CACNA1C: variants seen among roughly 807,000 people sequenced by gnomAD.
The protein encoded by CACNA1C is calcium voltage-gated channel subunit alpha1 C.
CACNA1C carries 30 observed loss-of-function variants against 229.0 expected under a neutral mutation model. The ratio of observed to expected loss-of-function variants is 0.13; its 90% CI spans 0.10 to 0.18. The LOEUF (loss-of-function observed/expected upper bound fraction) is 0.18. Among genes scored for constraint, CACNA1C ranks in the 10% least tolerant of loss-of-function variants. The probability of loss-of-function intolerance (pLI) is 1.00; values close to 1 mark genes in which losing one functional copy is unlikely to be tolerated. For synonymous variants in CACNA1C, 1,114 were observed against 1,132.5 expected, an observed-to-expected ratio of 0.98 and a Z score of 0.33; for missense variants, 1,658 against 2,845.0, an observed-to-expected ratio of 0.58 and a Z score of 9.49.
At chr12:2,104,780 A>G (rs891552288) in intron 1 of CACNA1C, among the ~76,000 whole-genome samples, 5 of 152,232 alleles carry the variant, frequency 3.3e-5, no homozygotes. Flanking sequence ...TAGATTTGCT[A>G]TCACCAGGTG....
At chr12:2,682,285 T>A (rs1254650837) in intron 42 of CACNA1C, among the ~76,000 whole-genome samples, 1 of 150,376 alleles carries the variant, frequency 6.6e-6, no homozygotes, top group Non-Finnish European at 1.5e-5. Flanking sequence ...AGAGGGTAAG[T>A]GGATTGGGGT....
chr12:2,092,177 A>G (rs574418185), intron 1 of CACNA1C, among the ~76,000 whole-genome samples: 1 of 152,226 alleles, frequency 6.6e-6, no homozygotes, highest in Non-Finnish European at 1.5e-5. Context: ...AATAGCAGGA[A>G]TGAAGGGCGC....
At chr12:2,201,986 G>A (rs1023630880) in intron 3 of CACNA1C, among the ~76,000 whole-genome samples, 2 of 152,188 alleles carry the variant, frequency 1.3e-5, no homozygotes, top group Admixed American at 6.5e-5. Context: ...TTTATCATTT[G>A]TCTTCCTGGC....
chr12:2,311,021 A>T (rs148868754), intron 3 of CACNA1C, among the ~76,000 whole-genome samples: 1 of 152,100 alleles, frequency 6.6e-6, no homozygotes, highest in African/African-American at 2.4e-5. Context: ...CTAAACCCTC[A>T]TCCTAGGCTT....
chr12:2,678,444 T>C lies in CACNA1C; in HGVS notation c.5091+577T>C, dbSNP rs2096935846. Among the ~76,000 whole-genome samples the C allele has an allele frequency of 6.6e-6, 1 of 152,142 alleles. No homozygotes were observed. The highest frequency in any genetic ancestry group is 2.1e-4 in the South Asian group (1 of 4,826). On this transcript the variant is annotated intron_variant, in intron 41 of 46. Transcript: ENST00000399655. The surrounding 1 kb of genome is among the most constrained non-coding windows in gnomAD (Gnocchi z 4.1). ...TGCCCAGCAGTTGCAATAGTGAAAA[T>C]TAAAACGGCTGTACCAGAATAAGGG... is the stretch of plus-strand genomic sequence containing the variant.
chr12:2,372,326 G>A (rs1424727787), intron 3 of CACNA1C, among the ~76,000 whole-genome samples: 1 of 152,152 alleles, frequency 6.6e-6, no homozygotes, highest in Non-Finnish European at 1.5e-5. Flanking sequence ...ACCCCTTGCT[G>A]CTCTCTTCCT....
chr12:2,403,985 G>A lies in CACNA1C; in HGVS notation c.478-44991G>A, dbSNP rs2098707679. ...CAGAATGTCCTTGCTGTGTACCAGG[G>A]CACACTGTGGGCTCCGTCCAGCCAG... On this transcript the variant is annotated intron_variant, in intron 3 of 46. Transcript: ENST00000399655. The surrounding 1 kb of genome is among the most constrained non-coding windows in gnomAD (Gnocchi z 4.1). 6.6e-6 allele frequency among the ~76,000 whole-genome samples: 1 copy of A among 152,190 alleles called. No homozygotes were observed. The highest frequency in any genetic ancestry group is 2.1e-4 in the South Asian group (1 of 4,826).
At chr12:2,554,346 A>C (rs1432359036) in intron 10 of CACNA1C, among the ~76,000 whole-genome samples, 1 of 152,130 alleles carries the variant, frequency 6.6e-6, no homozygotes, top group Admixed American at 6.5e-5. Context: ...TGATGGTCTC[A>C]TGTTCCTTAC....
chr12:2,185,276 C>A (rs868805048), intron 3 of CACNA1C, among the ~76,000 whole-genome samples: 1 of 152,196 alleles, frequency 6.6e-6, no homozygotes, highest in South Asian at 2.1e-4. Flanking sequence ...GACAGTCCTT[C>A]CTCCAGCCTG....
intron 1 of CACNA1C, among the ~76,000 whole-genome samples, chr12:1,996,642 A>AC (rs2040918084): frequency 1.7e-5 from 2 of 116,864 alleles, no homozygotes; most frequent in Admixed American, 1.7e-4. Context: ...AAAAAAAAAA[A>AC]AAAAAAAAAA....
At chr12:2,109,397 T>A (rs544058832) in intron 1 of CACNA1C, among the ~76,000 whole-genome samples, 1 of 152,142 alleles carries the variant, frequency 6.6e-6, no homozygotes. Flanking sequence ...AGGGATTGCC[T>A]AGCAAAGGGC....
intron 29 of CACNA1C, among the ~76,000 whole-genome samples, chr12:2,626,699 C>A (rs1421496222): frequency 1.3e-5 from 2 of 152,042 alleles, no homozygotes; most frequent in African/African-American, 4.8e-5. Flanking sequence ...TTGGGATCCC[C>A]CAATCTACCC....
At chr12:2,593,422 AC>A in intron 19 of CACNA1C, 77 bp downstream of exon 19, 1 of 1,494,640 alleles carries the variant, frequency 6.7e-7, no homozygotes, top group Non-Finnish European at 9.2e-7. Flanking sequence ...TTTTACCTGA[AC>A]CTCTGGATGG....
chr12:2,128,083 C>T (rs910495279), intron 3 of CACNA1C, among the ~76,000 whole-genome samples: 1 of 152,230 alleles, frequency 6.6e-6, no homozygotes, highest in South Asian at 2.1e-4. Context: ...CTGAGTGAAC[C>T]CTGGGTGAAT....
chr12:2,002,176 C>G (rs2042321677), intron 1 of CACNA1C, among the ~76,000 whole-genome samples: 1 of 152,202 alleles, frequency 6.6e-6, no homozygotes, highest in African/African-American at 2.4e-5. Flanking sequence ...CATCCATTTT[C>G]AGGGCAATAA....
chr12:2,099,860 G>A (rs2075661613), intron 1 of CACNA1C, among the ~76,000 whole-genome samples: 1 of 152,122 alleles, frequency 6.6e-6, no homozygotes, highest in Admixed American at 6.5e-5. Context: ...GCTCTGTCCT[G>A]AGAGTGTGAT....
chr12:2,340,911 T>C (rs2096842151), intron 3 of CACNA1C, among the ~76,000 whole-genome samples: 1 of 151,680 alleles, frequency 6.6e-6, no homozygotes, highest in African/African-American at 2.4e-5. Flanking sequence ...GAGCCGAGAT[T>C]GTGCCACTGC....
intron 8 of CACNA1C, among the ~76,000 whole-genome samples, chr12:2,509,534 T>C (rs981112018): frequency 6.6e-6 from 1 of 152,176 alleles, no homozygotes; most frequent in African/African-American, 2.4e-5. Flanking sequence ...ATTTAATATA[T>C]ATGATTGATT....
At chr12:2,061,234 T>A (rs1193878543) in intron 1 of CACNA1C, among the ~76,000 whole-genome samples, 1 of 152,118 alleles carries the variant, frequency 6.6e-6, no homozygotes, top group Non-Finnish European at 1.5e-5. Flanking sequence ...ATATCGCTGT[T>A]CAAACATCAG....
Sources: allele counts gnomAD v4.1 joint callset (sites outside exome capture counted in the v4.1 genomes callset), GRCh38; gene constraint gnomAD v4.1.1; non-coding constraint Gnocchi (gnomAD v3.1); transcripts MANE v1.5; gene names NCBI Gene and HGNC (gene_info 2026-07-23, HGNC 2026-07-21).